The following GABRG3 variants were observed in gnomAD, a reference collection of about 807,000 sequenced individuals.
GABRG3 encodes the protein gamma-aminobutyric acid type A receptor subunit gamma3.
GABRG3 carries 25 observed loss-of-function variants against 48.8 expected under a neutral mutation model. The observed-to-expected ratio is 0.51, with a 90% CI of 0.37 to 0.72. GABRG3 has a LOEUF of 0.72. GABRG3 is among the 30% of genes least tolerant of loss of function. The probability of loss-of-function intolerance (pLI) is 0.00; values close to 1 mark genes in which losing one functional copy is unlikely to be tolerated. For missense variants in GABRG3, 394 were observed against 577.9 expected, an observed-to-expected ratio of 0.68 and a Z score of 3.26; for synonymous variants, 227 against 217.6, an observed-to-expected ratio of 1.04 and a Z score of -0.38.
chr15:27,203,772 G>A lies in GABRG3; in HGVS notation c.271-123037G>A, dbSNP rs575337799. Among the ~76,000 whole-genome samples the A allele has an allele frequency of 2.0e-5, 3 of 152,208 alleles. No homozygotes were observed. The South Asian group carries it at 6.2e-4, about 32-fold the overall frequency. On this transcript the variant is annotated intron_variant, in intron 3 of 9. Coordinates refer to ENST00000615808, the MANE Select transcript of GABRG3 (RefSeq NM_033223.5). ...TGGTATCTCATTGTGGTTTTGATTT[G>A]CATTTCCCTAAAGAGTAGTGATATT... is the stretch of plus-strand genomic sequence containing the variant.
chr15:27,404,152 C>T (rs1340474664), intron 5 of GABRG3, among the ~76,000 whole-genome samples: 2 of 152,214 alleles, frequency 1.3e-5, no homozygotes, highest in East Asian at 1.9e-4. Flanking sequence ...ACCCGGGAGG[C>T]GGAGCTTGCA....
chr15:27,153,352 T>C lies in GABRG3; in HGVS notation c.270+126531T>C, dbSNP rs184405367. ...TTCTCTATTCTGTTCCATTGATCTA[T>C]GTGTGTATCCCTCTGACAATATCAC... On this transcript the variant is annotated intron_variant, in intron 3 of 9. Transcript: ENST00000615808. Among the ~76,000 whole-genome samples the C allele has an allele frequency of 5.8e-3, 889 of 152,338 alleles. 10 individuals are homozygous for C. The highest frequency in any genetic ancestry group is 0.014 in the Admixed American group (215 of 15,306).
intron 3 of GABRG3, chr15:27,157,728 C>A (rs1898470149): frequency 6.6e-6 from 1 of 152,176 alleles, no homozygotes; most frequent in Non-Finnish European, 1.5e-5. Context: ...ATTGCAATAT[C>A]AACGCATAAG....
chr15:27,439,882 A>T (rs1888731780), intron 5 of GABRG3, among the ~76,000 whole-genome samples: 1 of 152,174 alleles, frequency 6.6e-6, no homozygotes, highest in Non-Finnish European at 1.5e-5. Flanking sequence ...CGCAGGGCAT[A>T]ACATGTGTGA....
intron 5 of GABRG3, among the ~76,000 whole-genome samples, chr15:27,463,375 T>A (rs1889506266): frequency 6.6e-6 from 1 of 152,158 alleles, no homozygotes. Context: ...CATCACTAAT[T>A]TGGTATGTAA....
chr15:27,498,730 T>A (rs986366088), intron 6 of GABRG3, among the ~76,000 whole-genome samples: 1 of 152,064 alleles, frequency 6.6e-6, no homozygotes, highest in Non-Finnish European at 1.5e-5. Flanking sequence ...GGTCTCAAAC[T>A]CCTGACCTCA....
intron 1 of GABRG3, among the ~76,000 whole-genome samples, chr15:26,972,602 T>C (rs143018936): frequency 6.6e-6 from 1 of 152,072 alleles, no homozygotes; most frequent in Admixed American, 6.6e-5. Context: ...ATTTCCTGGG[T>C]CTGGGAGCTA....
intron 5 of GABRG3, among the ~76,000 whole-genome samples, chr15:27,359,713 G>A (rs886659679): frequency 2.0e-5 from 3 of 152,164 alleles, no homozygotes; most frequent in African/African-American, 7.2e-5. Flanking sequence ...ATAAGTCGCC[G>A]TAGGCAAATG....
chr15:27,217,256 A>G (rs560353022), intron 3 of GABRG3, among the ~76,000 whole-genome samples: 8 of 152,316 alleles, frequency 5.3e-5, no homozygotes, highest in Admixed American at 1.3e-4. Context: ...AATAGCAAAG[A>G]CTTGGAACCA....
chr15:27,524,997 A>G (rs3101638), intron 7 of GABRG3, among the ~76,000 whole-genome samples: 95,043 of 151,996 alleles, frequency 0.63, 30,898 homozygotes, highest in African/African-American at 0.81. Flanking sequence ...GGATGACATT[A>G]TTACACTGAC....
At chr15:27,398,025 C>T (rs1025671946) in intron 5 of GABRG3, among the ~76,000 whole-genome samples, 1 of 151,918 alleles carries the variant, frequency 6.6e-6, no homozygotes, top group Non-Finnish European at 1.5e-5. Context: ...AGGATGGTCT[C>T]GATCCCCTGA....
intron 3 of GABRG3, among the ~76,000 whole-genome samples, chr15:27,200,672 G>A (rs943068649): frequency 5.3e-5 from 8 of 152,180 alleles, no homozygotes; most frequent in South Asian, 2.1e-4. Context: ...GTGGACCAGC[G>A]GATTTCTATG....
intron 5 of GABRG3, among the ~76,000 whole-genome samples, chr15:27,462,945 C>T (rs143802776): frequency 6.6e-6 from 1 of 152,054 alleles, no homozygotes; most frequent in East Asian, 1.9e-4. Flanking sequence ...AAACACATGG[C>T]AGGTATCAGG....
intron 3 of GABRG3, among the ~76,000 whole-genome samples, chr15:27,200,333 A>G (rs1246132719): frequency 6.6e-6 from 1 of 152,218 alleles, no homozygotes; most frequent in East Asian, 1.9e-4. Context: ...TCCATGAGCC[A>G]TATTAGAAAC....
intron 3 of GABRG3, among the ~76,000 whole-genome samples, chr15:27,186,636 A>G (rs181254475): frequency 6.6e-6 from 1 of 152,124 alleles, no homozygotes; most frequent in East Asian, 1.9e-4. Context: ...CACCAACAAT[A>G]TTCCCTTTTC....
intron 3 of GABRG3, among the ~76,000 whole-genome samples, chr15:27,068,320 TGCTGCAGGAGCCTGCG>T (rs1393102808): frequency 2.0e-5 from 3 of 152,146 alleles, no homozygotes; most frequent in Non-Finnish European, 2.9e-5. Context: ...CTGGGGAAAC[TGCTGCAGGAGCCTGCG>T]GCTGGAGGAG....
intron 5 of GABRG3, among the ~76,000 whole-genome samples, chr15:27,437,053 A>G (rs1318630129): frequency 6.6e-6 from 1 of 150,976 alleles, no homozygotes; most frequent in East Asian, 2.0e-4. Context: ...TCTCATGAGG[A>G]CATCAGCAGT....
chr15:27,041,149 A>G (rs1036483995), intron 3 of GABRG3, among the ~76,000 whole-genome samples: 1 of 152,142 alleles, frequency 6.6e-6, no homozygotes, highest in Non-Finnish European at 1.5e-5. Context: ...AAACTCCTAT[A>G]ATTTTTGCAT....
intron 6 of GABRG3, among the ~76,000 whole-genome samples, chr15:27,487,933 G>A (rs997655382): frequency 2.0e-5 from 3 of 152,088 alleles, no homozygotes; most frequent in African/African-American, 7.2e-5. Flanking sequence ...ATCCCATGAC[G>A]CAAATGACAA....
Sources: allele counts gnomAD v4.1 joint callset (sites outside exome capture counted in the v4.1 genomes callset), GRCh38; gene constraint gnomAD v4.1.1; transcripts MANE v1.5; gene names NCBI Gene and HGNC (gene_info 2026-07-23, HGNC 2026-07-21).